IKBKB-DT: variants seen among roughly 807,000 people sequenced by gnomAD.
IKBKB-DT encodes the protein IKBKB divergent transcript.
intron 3 of IKBKB-DT, among the ~76,000 whole-genome samples, chr8:42,238,024 CAAAAAAAAA>C (rs35087510): frequency 0.08 from 2,823 of 35,090 alleles, 135 homozygotes; most frequent in African/African-American, 0.14. Context: ...GGCCCTCTCT[CAAAAAAAAA>C]AAAAAAAAAA....
At chr8:42,239,632 A>ATATATATATATT (rs1287944961) in intron 3 of IKBKB-DT, among the ~76,000 whole-genome samples, 3 of 86,968 alleles carry the variant, frequency 3.4e-5, no homozygotes, top group African/African-American at 1.3e-4. Context: ...ATATATATAT[A>ATATATATATATT]TATTTATTTA....
At chr8:42,257,962 AGAG>A in intron 3 of IKBKB-DT, among the ~76,000 whole-genome samples, 1 of 151,802 alleles carries the variant, frequency 6.6e-6, no homozygotes, top group South Asian at 2.1e-4. Context: ...CTCTTTTAAC[AGAG>A]AAGACTGAGT....
exon 2 of IKBKB-DT, among the ~76,000 whole-genome samples, chr8:42,265,866 C>A (rs1443442329): frequency 6.6e-6 from 1 of 152,060 alleles, no homozygotes; most frequent in Non-Finnish European, 1.5e-5. Flanking sequence ...GCACAACAGC[C>A]GGCTGGCCCT....
chr8:42,245,875 A>G (rs1342796875), intron 3 of IKBKB-DT, among the ~76,000 whole-genome samples: 2 of 152,238 alleles, frequency 1.3e-5, no homozygotes, highest in African/African-American at 4.8e-5. Context: ...TACTGCAGAT[A>G]CACGTAAAAG....
At chr8:42,260,223 G>A (rs922403168) in intron 3 of IKBKB-DT, among the ~76,000 whole-genome samples, 12 of 152,256 alleles carry the variant, frequency 7.9e-5, no homozygotes, top group African/African-American at 2.2e-4. Flanking sequence ...GGGGCTTCAG[G>A]AAGGGAGTTT....
chr8:42,255,011 C>T (rs1273980959), intron 3 of IKBKB-DT, among the ~76,000 whole-genome samples: 2 of 151,246 alleles, frequency 1.3e-5, no homozygotes, highest in African/African-American at 4.9e-5. Flanking sequence ...GCCACCACCC[C>T]ATCTGGGATG....
intron 3 of IKBKB-DT, among the ~76,000 whole-genome samples, chr8:42,258,662 G>A (rs903695077): frequency 6.6e-6 from 1 of 151,932 alleles, no homozygotes; most frequent in Non-Finnish European, 1.5e-5. Flanking sequence ...TAGAGACAGG[G>A]TTTCACCATG....
chr8:42,246,185 T>C (rs890652006), intron 3 of IKBKB-DT, among the ~76,000 whole-genome samples: 2 of 152,126 alleles, frequency 1.3e-5, no homozygotes, highest in African/African-American at 2.4e-5. Flanking sequence ...TGCAGGGGCA[T>C]GCCACCATGC....
chr8:42,250,324 A>C (rs1807116011), intron 3 of IKBKB-DT, among the ~76,000 whole-genome samples: 1 of 152,194 alleles, frequency 6.6e-6, no homozygotes, highest in African/African-American at 2.4e-5. Context: ...CATACAAAAA[A>C]ACCTGAAAAG....
chr8:42,235,051 C>G (rs148494968), intron 3 of IKBKB-DT, among the ~76,000 whole-genome samples: 1 of 152,026 alleles, frequency 6.6e-6, no homozygotes, highest in Non-Finnish European at 1.5e-5. Flanking sequence ...TGCCATTATT[C>G]CAGAGGTCAT....
chr8:42,247,312 G>A (rs574114307), intron 3 of IKBKB-DT, among the ~76,000 whole-genome samples: 3 of 152,228 alleles, frequency 2.0e-5, no homozygotes, highest in South Asian at 2.1e-4. Context: ...GCTGGATTTC[G>A]GACTTGCATA....
intron 3 of IKBKB-DT, among the ~76,000 whole-genome samples, chr8:42,250,053 G>A (rs916170142): frequency 2.6e-5 from 4 of 152,162 alleles, no homozygotes; most frequent in East Asian, 1.9e-4. Context: ...AGAGCTGGCC[G>A]AATGAAAAAC....
At position 42,240,891 on chromosome 8, in the gene IKBKB-DT, C is replaced by T. The variant is rs149897235; in HGVS notation, n.1530-7032G>A. On this transcript the variant is annotated intron_variant and non_coding_transcript_variant, in intron 3 of 3. Coordinates refer to ENST00000518213, the Ensembl canonical transcript of IKBKB-DT. ...CTGGGAGGCTGAGGCAGAAGAATCG[C>T]TTGAGCCCTGGAAGCAGAGGTTGCT... Among the ~76,000 whole-genome samples, 447 of 152,078 alleles carry T rather than the reference C, an allele frequency of 2.9e-3. 5 individuals carry two copies. Among genetic ancestry groups the T allele is most frequent in the Middle Eastern group, 0.024 (7 of 294 alleles).
At chr8:42,258,698 G>C (rs1807240901) in intron 3 of IKBKB-DT, among the ~76,000 whole-genome samples, 1 of 152,044 alleles carries the variant, frequency 6.6e-6, no homozygotes, top group South Asian at 2.1e-4. Context: ...TAGATCTCCT[G>C]ACCTGGTGAT....
At chr8:42,268,190 A>G (rs1232014553) in intron 1 of IKBKB-DT, among the ~76,000 whole-genome samples, 1 of 148,630 alleles carries the variant, frequency 6.7e-6, no homozygotes, top group South Asian at 2.1e-4. Context: ...GCTGGAGTGC[A>G]ATGGCACGAT....
At chr8:42,237,132 G>A (rs973286775) in intron 3 of IKBKB-DT, among the ~76,000 whole-genome samples, 3 of 151,868 alleles carry the variant, frequency 2.0e-5, no homozygotes, top group South Asian at 4.2e-4. Context: ...TGTTGCCCAG[G>A]CTGGAGTGGA....
intron 1 of IKBKB-DT, among the ~76,000 whole-genome samples, chr8:42,267,958 G>A (rs1238188532): frequency 2.0e-5 from 3 of 152,110 alleles, no homozygotes; most frequent in Non-Finnish European, 4.4e-5. Context: ...TGAGCAAAAT[G>A]AGGATTCAAA....
exon 3 of IKBKB-DT, chr8:42,263,368 G>A (rs1381546284): frequency 6.6e-6 from 1 of 152,222 alleles, no homozygotes; most frequent in Non-Finnish European, 1.5e-5. Flanking sequence ...GATCCCAATT[G>A]TAGAGCAGGC....
At chr8:42,235,205 C>CTTTTTTT (rs746414963) in intron 3 of IKBKB-DT, among the ~76,000 whole-genome samples, 4 of 99,410 alleles carry the variant, frequency 4.0e-5, no homozygotes, top group Non-Finnish European at 4.0e-5. Flanking sequence ...CTTTTATTTT[C>CTTTTTTT]TTTTTTTTTT....
Sources: gnomAD v4.1 joint callset for allele counts (sites outside exome capture counted in the v4.1 genomes callset) on GRCh38, gnomAD v4.1.1 for gene constraint, MANE v1.5 for transcripts, NCBI Gene and HGNC (gene_info 2026-07-23, HGNC 2026-07-21) for gene names.